Variants in RNF216 observed in about 807,000 individuals in gnomAD.
RNF216 encodes the protein E3 ubiquitin-protein ligase RNF216.
Under a neutral mutation model 110.8 loss-of-function variants are expected in RNF216, and 72 were observed. That is an observed-to-expected ratio of 0.65 (90% CI 0.54 to 0.79). RNF216 has a LOEUF of 0.79. Among genes scored for constraint, RNF216 ranks in the 30% least tolerant of loss-of-function variants. The pLI is 0.00. For missense variants in RNF216, 1,342 were observed against 1,141.2 expected, an observed-to-expected ratio of 1.18 and a Z score of -2.54; for synonymous variants, 495 against 407.5, an observed-to-expected ratio of 1.21 and a Z score of -2.59.
chr7:5,622,856 G>A lies in RNF216; in HGVS notation c.*4C>T. 6.3e-7 allele frequency: 1 copy of A among 1,593,496 alleles called. No individual in the cohort carries two copies. The highest frequency in any genetic ancestry group is 8.6e-7 in the Non-Finnish European group (1 of 1,167,410). ...TTGTGCTGCTCAATGGGGATTCGGG[G>A]CCATCAGAAGCGATGCCGCGGCTGG... On this transcript the variant is annotated 3_prime_UTR_variant, in exon 17 of 17. Coordinates refer to ENST00000389902, the MANE Select transcript of RNF216 (RefSeq NM_207111.4).
intron 13 of RNF216, among the ~76,000 whole-genome samples, chr7:5,671,648 C>CA (rs1238811315): frequency 1.6e-4 from 24 of 151,844 alleles, no homozygotes; most frequent in Non-Finnish European, 2.9e-4. Context: ...ACTAAAAATA[C>CA]AAAAAAATCA....
chr7:5,678,635 G>A (rs1790456803), intron 13 of RNF216, among the ~76,000 whole-genome samples: 1 of 152,228 alleles, frequency 6.6e-6, no homozygotes, highest in South Asian at 2.1e-4. Context: ...GGCACTCGTA[G>A]TGACAAATAT....
chr7:5,753,060 C>T, intron 2 of RNF216, 81 bp from the exon 3 acceptor site: 2 of 1,441,534 alleles, frequency 1.4e-6, no homozygotes, highest in African/African-American at 1.4e-5. Flanking sequence ...GACAGGGGTA[C>T]AGCCTAAAGC....
intron 15 of RNF216, among the ~76,000 whole-genome samples, chr7:5,628,846 G>A (rs1010691227): frequency 6.6e-6 from 1 of 152,062 alleles, no homozygotes; most frequent in Non-Finnish European, 1.5e-5. Context: ...CTTAATTTGG[G>A]GAGGAAGTTC....
At chr7:5,666,340 T>A (rs745978079) in intron 13 of RNF216, among the ~76,000 whole-genome samples, 1 of 152,020 alleles carries the variant, frequency 6.6e-6, no homozygotes. Context: ...GGGGAAATAG[T>A]TCACGATTAT....
rs761666855 is a variant in RNF216 at position 5,752,907 on chromosome 7, A to C, written c.140T>G (p.Val47Gly). ...TTCATGCTGCTGAGGAGCTGGGGTG[A>C]CCAGCATTGGAATCCTTTCCTCATC... ...SSDEERIPML[V>G]TPAPQQHEEE... Residue 47 changes from valine to glycine, a missense_variant, in exon 3 of 17, where the codon GTC (valine) becomes GGC (glycine). Coordinates refer to ENST00000389902, the MANE Select transcript of RNF216 (RefSeq NM_207111.4). The C allele has an allele frequency of 6.2e-7, 1 of 1,612,022 alleles. No homozygotes were observed. Among genetic ancestry groups the C allele is most frequent in the Admixed American group, 1.7e-5 (1 of 59,728 alleles).
chr7:5,690,077 C>T (rs1791238290), intron 13 of RNF216, among the ~76,000 whole-genome samples: 1 of 152,102 alleles, frequency 6.6e-6, no homozygotes, highest in Non-Finnish European at 1.5e-5. Context: ...GCCTGTAATC[C>T]CAGCACTCTG....
chr7:5,684,094 C>CTTTTT lies in RNF216; in HGVS notation c.2061+27662_2061+27666dup, dbSNP rs10608511. ...CCAGTGTTTCCACAAGCTGGGCCTTCTTTTTTTTTTTTTTTTTTTTTTTTT... is the reference window on the plus strand; with the variant it reads ...CCAGTGTTTCCACAAGCTGGGCCTTCTTTTTTTTTTTTTTTTTTTTTTTTTTTTTT... On this transcript the variant is annotated intron_variant, in intron 13 of 16. Transcript: ENST00000389902. Among the ~76,000 whole-genome samples, 96 of 61,846 alleles carry CTTTTT rather than the reference C, an allele frequency of 1.6e-3. 5 individuals are homozygous for CTTTTT. In the East Asian group the frequency reaches 0.022, roughly 14 times the overall value. 40.6% of individuals were successfully genotyped at this position (61,846 alleles called of 152,430 possible). A position where few individuals can be genotyped will look rare whatever the true frequency, so the allele number is the denominator to read the frequency against.
intron 9 of RNF216, among the ~76,000 whole-genome samples, chr7:5,717,246 G>A (rs1793122887): frequency 6.6e-6 from 1 of 152,156 alleles, no homozygotes; most frequent in Non-Finnish European, 1.5e-5. Flanking sequence ...CCAGCTACTT[G>A]GGAGGCTGAA....
chr7:5,675,714 C>CTTTTTT (rs754444984), intron 13 of RNF216, among the ~76,000 whole-genome samples: 1 of 141,222 alleles, frequency 7.1e-6, no homozygotes, highest in African/African-American at 2.7e-5. Context: ...TATTCAAATT[C>CTTTTTT]TTTTTTTTTT....
At chr7:5,692,851 C>A (rs895853576) in intron 13 of RNF216, among the ~76,000 whole-genome samples, 1 of 152,198 alleles carries the variant, frequency 6.6e-6, no homozygotes, top group South Asian at 2.1e-4. Flanking sequence ...AATGGGTATA[C>A]AATGTGACAC....
intron 15 of RNF216, among the ~76,000 whole-genome samples, chr7:5,630,001 C>T (rs538476241): frequency 6.6e-6 from 1 of 152,202 alleles, no homozygotes; most frequent in South Asian, 2.1e-4. Context: ...ATATGAGCAT[C>T]ACCATCCTGT....
intron 13 of RNF216, among the ~76,000 whole-genome samples, chr7:5,705,333 T>C (rs1452455394): frequency 6.6e-6 from 1 of 152,198 alleles, no homozygotes; most frequent in East Asian, 1.9e-4. Context: ...AACAGCATCA[T>C]CAACTACATA....
At chr7:5,676,771 A>G (rs1187726819) in intron 13 of RNF216, among the ~76,000 whole-genome samples, 2 of 152,140 alleles carry the variant, frequency 1.3e-5, no homozygotes, top group Non-Finnish European at 2.9e-5. Context: ...ATACAGTGCA[A>G]CCTGAGCCAC....
At chr7:5,718,471 T>A (rs1793203777) in intron 9 of RNF216, among the ~76,000 whole-genome samples, 1 of 152,036 alleles carries the variant, frequency 6.6e-6, no homozygotes, top group Non-Finnish European at 1.5e-5. Context: ...ATTTCAGAAC[T>A]AAAATTTTTA....
intron 4 of RNF216, among the ~76,000 whole-genome samples, chr7:5,740,300 A>AT (rs1439725239): frequency 2.0e-5 from 3 of 151,604 alleles, no homozygotes; most frequent in Non-Finnish European, 4.4e-5. Context: ...CTAATTTTTA[A>AT]TTTTTTTAGT....
In RNF216 at chr7:5,721,049, A is replaced by T; in HGVS notation, c.1628T>A (p.Ile543Asn). Residue 543 changes from isoleucine (I) to asparagine (N), a missense_variant, in exon 9 of 17, where the codon ATC becomes AAC. Transcript: ENST00000389902. ...QQEQEFYEQK[I>N]KEMAEHEDFL... is the part of the protein sequence containing the mutation. The stretch of plus-strand genomic sequence containing the variant: ...TCTTCCTACCTCTGCCATCTCTTTG[A>T]TTTTCTGCTCATAGAACTCCTGCTC... 6.2e-7 allele frequency: 1 copy of T among 1,614,148 alleles called. No individual in the cohort carries two copies. Among genetic ancestry groups the T allele is most frequent in the Non-Finnish European group, 8.5e-7 (1 of 1,180,028 alleles).
chr7:5,742,854 C>T (rs1001320168), intron 3 of RNF216, among the ~76,000 whole-genome samples: 5 of 152,066 alleles, frequency 3.3e-5, no homozygotes, highest in African/African-American at 1.2e-4. Context: ...CCTCAGCCTC[C>T]CAAAGTGCTG....
At chr7:5,743,306 G>A (rs1321888501) in intron 3 of RNF216, among the ~76,000 whole-genome samples, 1 of 152,000 alleles carries the variant, frequency 6.6e-6, no homozygotes, top group Non-Finnish European at 1.5e-5. Context: ...AATAAAAAAT[G>A]TATGTCTGTC....
Sources: gnomAD v4.1 joint callset for allele counts (sites outside exome capture counted in the v4.1 genomes callset) on GRCh38, gnomAD v4.1.1 for gene constraint, MANE v1.5 for transcripts, NCBI Gene and HGNC (gene_info 2026-07-23, HGNC 2026-07-21) for gene names.